Variants in GPC6 observed in about 807,000 individuals in gnomAD.
GPC6 encodes the protein glypican-6.
GPC6 carries 14 observed loss-of-function variants against 55.2 expected under a neutral mutation model. The observed-to-expected ratio is 0.25, with a 90% CI of 0.17 to 0.40. The LOEUF (loss-of-function observed/expected upper bound fraction) is 0.40, where lower values mean the gene tolerates loss of function less well. GPC6 is among the 10% of genes least tolerant of loss of function. The pLI is 1.00. For synonymous variants in GPC6, 278 were observed against 259.6 expected, an observed-to-expected ratio of 1.07 and a Z score of -0.68; for missense variants, 641 against 708.5, an observed-to-expected ratio of 0.90 and a Z score of 1.08.
At chr13:94,091,223 G>T (rs1885469374) in intron 4 of GPC6, among the ~76,000 whole-genome samples, 1 of 152,036 alleles carries the variant, frequency 6.6e-6, no homozygotes, top group Non-Finnish European at 1.5e-5. Context: ...TTACGAAAAT[G>T]GTAAAAATGT....
chr13:94,356,165 A>G lies in GPC6; in HGVS notation c.1153-26249A>G, dbSNP rs555794608. The stretch of plus-strand genomic sequence containing the variant: ...GCATAGTATTCCATGCTGTACATGT[A>G]CCATATTTTCTTTATCCAGTCTATC... On this transcript the variant is annotated intron_variant, in intron 6 of 8. Transcript: ENST00000377047. Among the ~76,000 whole-genome samples the G allele has an allele frequency of 2.0e-5, 3 of 152,278 alleles. 1 individual carries two copies. Among genetic ancestry groups the G allele is most frequent in the East Asian group, 3.9e-4 (2 of 5,184 alleles).
intron 2 of GPC6, among the ~76,000 whole-genome samples, chr13:93,609,480 C>T (rs935319651): frequency 8.5e-5 from 13 of 152,298 alleles, no homozygotes; most frequent in South Asian, 4.1e-4. Flanking sequence ...TCAAATGATC[C>T]GCCGGCCTTG....
intron 1 of GPC6, among the ~76,000 whole-genome samples, chr13:93,231,393 A>ATAAG: frequency 4.0e-5 from 1 of 24,880 alleles, no homozygotes; most frequent in African/African-American, 1.8e-4. Context: ...ATATATATAT[A>ATAAG]TATGTATATA....
intron 4 of GPC6, among the ~76,000 whole-genome samples, chr13:94,157,572 A>T (rs907124222): frequency 6.6e-6 from 1 of 152,172 alleles, no homozygotes; most frequent in Non-Finnish European, 1.5e-5. Flanking sequence ...TAGAGGTATA[A>T]AGGAAACCAG....
intron 3 of GPC6, among the ~76,000 whole-genome samples, chr13:94,015,221 A>T (rs1882414143): frequency 6.6e-6 from 1 of 152,020 alleles, no homozygotes; most frequent in Non-Finnish European, 1.5e-5. Context: ...CTTTTTTATT[A>T]TTGTCATCTT....
intron 1 of GPC6, among the ~76,000 whole-genome samples, chr13:93,479,615 C>T (rs868434523): frequency 2.0e-5 from 3 of 151,598 alleles, no homozygotes; most frequent in Admixed American, 6.6e-5. Context: ...GAGACCCCCC[C>T]CCATCTCTAC....
intron 2 of GPC6, 113 bp from the exon 3 acceptor site, chr13:93,830,041 G>A (rs1887422887): frequency 1.4e-6 from 1 of 700,644 alleles, no homozygotes; most frequent in Non-Finnish European, 2.4e-6. Flanking sequence ...CTTAATCACA[G>A]GATATGTTTT....
chr13:93,839,522 G>A (rs1011922774), intron 3 of GPC6, among the ~76,000 whole-genome samples: 1 of 151,946 alleles, frequency 6.6e-6, no homozygotes, highest in African/African-American at 2.4e-5. Flanking sequence ...TGTTTATGTG[G>A]TGTATCACAT....
At chr13:93,503,736 A>G (rs1880607529) in intron 1 of GPC6, among the ~76,000 whole-genome samples, 1 of 152,166 alleles carries the variant, frequency 6.6e-6, no homozygotes, top group South Asian at 2.1e-4. Context: ...GTGGTACAGC[A>G]TTGACGGAAG....
intron 4 of GPC6, among the ~76,000 whole-genome samples, chr13:94,181,746 C>G (rs1471132781): frequency 1.3e-5 from 2 of 152,120 alleles, no homozygotes; most frequent in African/African-American, 4.8e-5. Flanking sequence ...ACTTAGGGTG[C>G]CTCATATTAG....
intron 4 of GPC6, among the ~76,000 whole-genome samples, chr13:94,207,900 A>G (rs553223767): frequency 6.6e-6 from 1 of 152,312 alleles, no homozygotes; most frequent in South Asian, 2.1e-4. Context: ...CACCAACCTT[A>G]CATTATTTTT....
chr13:93,719,925 G>A (rs1344229377), intron 2 of GPC6, among the ~76,000 whole-genome samples: 1 of 152,104 alleles, frequency 6.6e-6, no homozygotes, highest in Non-Finnish European at 1.5e-5. Context: ...GCATCCCAGG[G>A]ATGAAGCCGA....
chr13:93,936,739 A>G (rs1455355822), intron 3 of GPC6, among the ~76,000 whole-genome samples: 7 of 152,338 alleles, frequency 4.6e-5, no homozygotes, highest in African/African-American at 7.2e-5. Context: ...AGAAAAAATG[A>G]GAGACCTACT....
intron 1 of GPC6, among the ~76,000 whole-genome samples, chr13:93,296,386 T>G (rs1193470927): frequency 6.6e-6 from 1 of 152,188 alleles, no homozygotes; most frequent in East Asian, 1.9e-4. Context: ...CTTTCTACCT[T>G]AATTTATCTT....
At chr13:93,907,932 TG>T (rs755472887) in intron 3 of GPC6, among the ~76,000 whole-genome samples, 4 of 152,202 alleles carry the variant, frequency 2.6e-5, no homozygotes, top group Non-Finnish European at 5.9e-5. Context: ...CCTCTTTACC[TG>T]TCTATTGGTA....
At chr13:93,538,597 A>G (rs1882158266) in intron 1 of GPC6, among the ~76,000 whole-genome samples, 1 of 152,210 alleles carries the variant, frequency 6.6e-6, no homozygotes, top group African/African-American at 2.4e-5. Context: ...TGAAAATAGT[A>G]TTCAAATAGT....
At chr13:94,098,131 A>G (rs1885731404) in intron 4 of GPC6, among the ~76,000 whole-genome samples, 1 of 152,252 alleles carries the variant, frequency 6.6e-6, no homozygotes, top group African/African-American at 2.4e-5. Context: ...CTGCTTATTA[A>G]GAAATGTAAT....
intron 6 of GPC6, among the ~76,000 whole-genome samples, chr13:94,312,763 G>A (rs773815488): frequency 2.0e-5 from 3 of 148,886 alleles, no homozygotes; most frequent in South Asian, 2.1e-4. Flanking sequence ...CTCAGTCTTC[G>A]CTTGGCCTGA....
intron 4 of GPC6, among the ~76,000 whole-genome samples, chr13:94,165,554 G>C (rs1348260575): frequency 6.6e-6 from 1 of 151,958 alleles, no homozygotes; most frequent in East Asian, 1.9e-4. Context: ...ATACCGCTTA[G>C]GTGATGGGTG....
Sources: allele counts gnomAD v4.1 joint callset (sites outside exome capture counted in the v4.1 genomes callset), GRCh38; gene constraint gnomAD v4.1.1; transcripts MANE v1.5; gene names NCBI Gene and HGNC (gene_info 2026-07-23, HGNC 2026-07-21).